Variants in MED20 observed in about 807,000 individuals in gnomAD.
MED20 encodes mediator of RNA polymerase II transcription subunit 20.
MED20 carries 19 observed loss-of-function variants against 19.7 expected under a neutral mutation model. The observed-to-expected ratio is 0.96, with a 90% CI of 0.67 to 1.42. The LOEUF (loss-of-function observed/expected upper bound fraction) is 1.42, where lower values mean the gene tolerates loss of function less well. MED20 is among the 40% of genes most tolerant of loss of function. MED20 has a pLI of 0.00. For synonymous variants in MED20, 105 were observed against 104.8 expected, an observed-to-expected ratio of 1.00 and a Z score of -0.01; for missense variants, 225 against 273.0, an observed-to-expected ratio of 0.82 and a Z score of 1.24.
chr6:41,913,885 CA>C (rs1775253925), intron 2 of MED20, among the ~76,000 whole-genome samples: 2 of 151,966 alleles, frequency 1.3e-5, no homozygotes, highest in African/African-American at 4.8e-5. Flanking sequence ...GCAACAAGAA[CA>C]AAACTCCGTC....
Position 41,907,296 on chromosome 6 carries a change from C to A in MED20, c.424-9G>T. ...CAGGGGCCATACTCCACCTGGGAAC[C>A]AAAAGCACAGAGAATGAGGGTGAAT... On this transcript the variant is annotated splice_polypyrimidine_tract_variant and intron_variant, in intron 3 of 3. Coordinates refer to ENST00000265350, the MANE Select transcript of MED20 (RefSeq NM_004275.5). The A allele has an allele frequency of 6.2e-7, 1 of 1,605,794 alleles. No individual in the cohort carries two copies. The highest frequency in any genetic ancestry group is 8.5e-7 in the Non-Finnish European group (1 of 1,175,832).
Position 41,921,013 on chromosome 6 carries a change from TC to T in MED20, c.5del (p.Gly2GlufsTer2). On this transcript the variant is annotated frameshift_variant, in exon 1 of 4. Coordinates refer to ENST00000265350, the MANE Select transcript of MED20 (RefSeq NM_004275.5). LOFTEE classifies it high-confidence loss of function. Reference sequence around the variant, plus strand: ...ACCCCCTGCAGTCCTACCAAGTCACTCCCATGGCGTCGGGCCAGGAAGGTGG... The same window carrying T: ...ACCCCCTGCAGTCCTACCAAGTCACTCCATGGCGTCGGGCCAGGAAGGTGG... M[G>X]VTCVSQMPVA... 1 of 1,612,818 alleles carries T rather than the reference TC, an allele frequency of 6.2e-7. No homozygotes were observed. Among genetic ancestry groups the T allele is most frequent in the South Asian group, 1.1e-5 (1 of 90,958 alleles).
chr6:41,907,586 G>A (rs556719138), intron 3 of MED20, among the ~76,000 whole-genome samples: 1 of 152,134 alleles, frequency 6.6e-6, no homozygotes, highest in Non-Finnish European at 1.5e-5. Flanking sequence ...TCCCTGCTAT[G>A]CTGGGTAAAG....
At chr6:41,912,215 TTTTTTTG>T in intron 2 of MED20, among the ~76,000 whole-genome samples, 1 of 148,492 alleles carries the variant, frequency 6.7e-6, no homozygotes, top group African/African-American at 2.5e-5. Flanking sequence ...TTTTTTTTTT[TTTTTTTG>T]TAAAGATGAG....
rs907740534 is a variant in MED20, at chr6:41,921,106, C to T, written c.-88G>A. On this transcript the variant is annotated 5_prime_UTR_variant, in exon 1 of 4. It adds an upstream start codon to the 5' untranslated region. Transcript: ENST00000265350. ...CAGAAACTCCTTCAGTTCCCCAACA[C>T]AACCTTCTGTCTCAGAAGGGACTCC... 6 of 1,549,436 alleles carry T rather than the reference C, an allele frequency of 3.9e-6. No individual in the cohort carries two copies. The highest frequency in any genetic ancestry group is 1.1e-5 in the South Asian group (1 of 87,088).
chr6:41,920,844 A>G, intron 1 of MED20, 161 bp downstream of exon 1: 1 of 836,796 alleles, frequency 1.2e-6, no homozygotes, highest in Non-Finnish European at 1.8e-6. Context: ...ATCTCTGAGG[A>G]AACAAGCCCG....
chr6:41,911,979 C>G (rs562954940), intron 2 of MED20, among the ~76,000 whole-genome samples: 22 of 152,148 alleles, frequency 1.4e-4, no homozygotes, highest in Non-Finnish European at 2.4e-4. Flanking sequence ...TAAAAGTCAA[C>G]TAAGGGGTGT....
Position 41,907,013 on chromosome 6 carries a change from C to T in MED20, c.*59G>A. ...TGGGGTCCAGGGACCTGAAAGTCAG[C>T]ACCTGCTCCTCCTGTGGAGTACCCC... On this transcript the variant is annotated 3_prime_UTR_variant, in exon 4 of 4. Transcript: ENST00000265350. 6.6e-7 allele frequency: 1 copy of T among 1,524,708 alleles called. No homozygotes were observed. The highest frequency in any genetic ancestry group is 9.0e-7 in the Non-Finnish European group (1 of 1,107,080). The allele number at this position is 1,524,708 out of a possible 1,614,324, so 94.4% of individuals were successfully genotyped here.
chr6:41,911,608 G>A (rs1218558933), intron 2 of MED20, among the ~76,000 whole-genome samples: 1 of 152,188 alleles, frequency 6.6e-6, no homozygotes, highest in African/African-American at 2.4e-5. Context: ...ACTGCAATAT[G>A]AAGAGAAGGT....
chr6:41,909,429 T>C lies in MED20; in HGVS notation c.263A>G (p.Asp88Gly), dbSNP rs766469229. The change falls in exon 3 of 4, where the codon GAC becomes GGC. Residue 88 changes from aspartate (D) to glycine (G), a missense_variant. By Grantham distance (94) the Asp-to-Gly change is moderately conservative (BLOSUM62 -1). Coordinates refer to ENST00000265350, the MANE Select transcript of MED20 (RefSeq NM_004275.5). Reference sequence around the variant, plus strand: ...CACCATAAGCACATCAAAGTTGGTGTCAGCAATAAGGCAAGGGCCATTCTC... The same window carrying C: ...CACCATAAGCACATCAAAGTTGGTGCCAGCAATAAGGCAAGGGCCATTCTC... ...LFENGPCLIA[D>G]TNFDVLMVKL... 4 of 1,614,210 alleles carry C rather than the reference T, an allele frequency of 2.5e-6. No individual in the cohort carries two copies. The South Asian group carries it at 3.3e-5, about 13-fold the overall frequency.
chr6:41,907,456 A>T (rs1325800621), intron 3 of MED20, among the ~76,000 whole-genome samples, 169 bp from the exon 4 acceptor site: 1 of 152,168 alleles, frequency 6.6e-6, no homozygotes, highest in Non-Finnish European at 1.5e-5. Context: ...CACTGGGCTC[A>T]ATACCCAGCA....
At chr6:41,918,508 A>C (rs1261061333) in intron 1 of MED20, among the ~76,000 whole-genome samples, 1 of 147,246 alleles carries the variant, frequency 6.8e-6, no homozygotes, top group Non-Finnish European at 1.5e-5. Context: ...CCATCTCAAA[A>C]AGAAAAAAAA....
At chr6:41,914,454 CAGAT>C (rs1775266223) in intron 2 of MED20, among the ~76,000 whole-genome samples, 1 of 152,188 alleles carries the variant, frequency 6.6e-6, no homozygotes, top group Non-Finnish European at 1.5e-5. Flanking sequence ...GAAACAGTAA[CAGAT>C]AGGTTGTGGG....
rs1775129320 is a variant in MED20, at chr6:41,909,257, C to T, written c.423+12G>A. ...TCAGAACATCCTGCTCCTATTTTCA[C>T]CAAGGTCTTACCTCCACAGAGATGC... On this transcript the variant is annotated intron_variant, in intron 3 of 3. Coordinates refer to ENST00000265350, the MANE Select transcript of MED20 (RefSeq NM_004275.5). The T allele has an allele frequency of 6.2e-7, 1 of 1,610,058 alleles. No individual in the cohort carries two copies. The highest frequency in any genetic ancestry group is 8.5e-7 in the Non-Finnish European group (1 of 1,176,902).
intron 3 of MED20, among the ~76,000 whole-genome samples, chr6:41,908,125 G>A (rs1775103313): frequency 6.6e-6 from 1 of 152,116 alleles, no homozygotes; most frequent in South Asian, 2.1e-4. Flanking sequence ...CTACATAAAT[G>A]TTGATCCTCA....
rs1272046201 is a variant in MED20, at chr6:41,909,459, AG to A, written c.232del (p.Leu78SerfsTer19). The A allele has an allele frequency of 6.2e-7, 1 of 1,614,258 alleles. No homozygotes were observed. The highest frequency in any genetic ancestry group is 1.3e-5 in the African/African-American group (1 of 75,070). On this transcript the variant is annotated frameshift_variant, in exon 3 of 4. Coordinates refer to ENST00000265350, the MANE Select transcript of MED20 (RefSeq NM_004275.5). LOFTEE classifies it high-confidence loss of function. ...AATAAGGCAAGGGCCATTCTCAAAGAGGGCGAAACAGCTCAATGGGTACTCT... is the reference window on the plus strand; with the variant it reads ...AATAAGGCAAGGGCCATTCTCAAAGAGGCGAAACAGCTCAATGGGTACTCT... ...NSEYPLSCFA[L>X]FENGPCLIAD...
At chr6:41,918,699 G>A (rs1393882721) in intron 1 of MED20, among the ~76,000 whole-genome samples, 1 of 151,726 alleles carries the variant, frequency 6.6e-6, no homozygotes, top group Non-Finnish European at 1.5e-5. Flanking sequence ...TGTAATCCCA[G>A]CACTTTGGGA....
At position 41,916,806 on chromosome 6, in the gene MED20, C is replaced by T. The variant is rs140526856; in HGVS notation, c.148G>A (p.Ala50Thr). Residue 50 changes from alanine (A) to threonine (T), a missense_variant, in exon 2 of 4, where the codon GCC (alanine) becomes ACC (threonine). Transcript: ENST00000265350. ...TGACCTTGGCTGCCAAGGGTAGAGG[C>T]GGCCGTATGGTAAGTCTCACAGTCC... is the stretch of plus-strand genomic sequence containing the variant. Reference protein sequence around the residue: ...CVDCETYHTAASTLGSQGQTG... With the variant: ...CVDCETYHTATSTLGSQGQTG... 1,820 of 1,614,014 alleles carry T rather than the reference C, an allele frequency of 1.1e-3. No homozygotes were observed. The highest frequency in any genetic ancestry group is 1.4e-3 in the Non-Finnish European group (1,673 of 1,179,936).
In MED20 at chr6:41,906,899, G is replaced by A; in HGVS notation, c.*173C>T. The A allele has an allele frequency of 1.6e-6, 1 of 611,590 alleles. No homozygotes were observed. The highest frequency in any genetic ancestry group is 2.0e-5 in the South Asian group (1 of 49,646). 37.9% of individuals were successfully genotyped at this position (611,590 alleles called of 1,614,324 possible). On this transcript the variant is annotated 3_prime_UTR_variant, in exon 4 of 4. Transcript: ENST00000265350. ...GATGGGGGGCTATGTGTGAGAGTCA[G>A]GGGGTTGGGGAGGGGACTCAGCCCC...
Sources: allele counts gnomAD v4.1 joint callset (sites outside exome capture counted in the v4.1 genomes callset), GRCh38; gene constraint gnomAD v4.1.1; transcripts MANE v1.5; gene names NCBI Gene and HGNC (gene_info 2026-07-23, HGNC 2026-07-21).